Variants in NOL4 observed in about 807,000 individuals in gnomAD.
NOL4 encodes the protein nucleolar protein 4, also known as cancer/testis antigen 125.
Under a neutral mutation model 75.9 loss-of-function variants are expected in NOL4, and 17 were observed. The observed-to-expected ratio is 0.22, with a 90% CI of 0.15 to 0.34. NOL4 has a LOEUF of 0.34. NOL4 is among the 10% of genes least tolerant of loss of function. The pLI, the probability that NOL4 is intolerant of heterozygous loss-of-function variation, is 1.00. For synonymous variants in NOL4, 292 were observed against 289.9 expected, an observed-to-expected ratio of 1.01 and a Z score of -0.07; for missense variants, 614 against 793.5, an observed-to-expected ratio of 0.77 and a Z score of 2.72.
intron 5 of NOL4, among the ~76,000 whole-genome samples, chr18:34,066,653 T>C (rs2077287587): frequency 6.6e-6 from 1 of 151,708 alleles, no homozygotes; most frequent in Non-Finnish European, 1.5e-5. Context: ...ATTTATTATA[T>C]TTGAAAAGTT....
intron 6 of NOL4, among the ~76,000 whole-genome samples, chr18:33,960,952 A>T (rs918626130): frequency 6.6e-6 from 1 of 152,054 alleles, no homozygotes; most frequent in Non-Finnish European, 1.5e-5. Context: ...ATTTCCCCTG[A>T]GCCAATCTAA....
intron 5 of NOL4, among the ~76,000 whole-genome samples, chr18:34,050,442 T>C (rs1301900713): frequency 1.3e-5 from 2 of 152,108 alleles, no homozygotes; most frequent in Admixed American, 1.3e-4. Flanking sequence ...TAATAGATAA[T>C]GTTACTATCT....
chr18:34,071,770 T>C (rs2077529069), intron 5 of NOL4, among the ~76,000 whole-genome samples: 1 of 152,172 alleles, frequency 6.6e-6, no homozygotes, highest in Admixed American at 6.5e-5. Flanking sequence ...ATTAAATGCA[T>C]TTTTCACTTA....
intron 5 of NOL4, among the ~76,000 whole-genome samples, chr18:34,059,647 C>T (rs2076989350): frequency 6.6e-6 from 1 of 152,084 alleles, no homozygotes; most frequent in African/African-American, 2.4e-5. Flanking sequence ...AATAACCTCC[C>T]TAAATCTGGA....
At chr18:34,206,800 T>C (rs1278247241) in intron 1 of NOL4, among the ~76,000 whole-genome samples, 1 of 152,150 alleles carries the variant, frequency 6.6e-6, no homozygotes, top group Non-Finnish European at 1.5e-5. Context: ...TTCTATTTTT[T>C]TTATCTACCA....
chr18:33,905,108 T>C (rs1185478787), intron 9 of NOL4, among the ~76,000 whole-genome samples: 3 of 152,198 alleles, frequency 2.0e-5, no homozygotes, highest in Non-Finnish European at 4.4e-5. Context: ...GATAGGTCAT[T>C]GCAAGTTTCA....
At chr18:34,057,696 C>A (rs906625580) in intron 5 of NOL4, among the ~76,000 whole-genome samples, 5 of 152,096 alleles carry the variant, frequency 3.3e-5, no homozygotes, top group Non-Finnish European at 7.4e-5. Context: ...AGGAATATTT[C>A]CTGAAGGAAG....
intron 1 of NOL4, among the ~76,000 whole-genome samples, chr18:34,216,531 T>A (rs963769674): frequency 9.2e-5 from 14 of 151,618 alleles, no homozygotes; most frequent in Admixed American, 3.3e-4. Flanking sequence ...AACATTTAAA[T>A]AGGAAAATAA....
intron 8 of NOL4, among the ~76,000 whole-genome samples, chr18:33,949,117 T>C (rs1054333980): frequency 2.0e-5 from 3 of 152,242 alleles, no homozygotes; most frequent in Middle Eastern, 3.4e-3. Flanking sequence ...GGCCCCACTA[T>C]GGGTGTTATG....
intron 8 of NOL4, among the ~76,000 whole-genome samples, chr18:33,955,338 A>T (rs2069564993): frequency 6.6e-6 from 1 of 152,100 alleles, no homozygotes; most frequent in Non-Finnish European, 1.5e-5. Flanking sequence ...ACAAGGTCTG[A>T]TCCCTCTACT....
chr18:33,916,675 T>G (rs1020913295), intron 9 of NOL4, among the ~76,000 whole-genome samples: 1 of 152,232 alleles, frequency 6.6e-6, no homozygotes, highest in African/African-American at 2.4e-5. Context: ...ATGTACTATT[T>G]TCATATCTGT....
chr18:33,991,059 C>T (rs1370392435), intron 6 of NOL4, among the ~76,000 whole-genome samples: 3 of 151,974 alleles, frequency 2.0e-5, no homozygotes, highest in Non-Finnish European at 2.9e-5. Flanking sequence ...GGTCAAATTT[C>T]TCCCAATCTA....
At chr18:33,969,120 T>C (rs2070841685) in intron 6 of NOL4, among the ~76,000 whole-genome samples, 1 of 152,198 alleles carries the variant, frequency 6.6e-6, no homozygotes, top group Admixed American at 6.5e-5. Context: ...TGCGCAGTGA[T>C]TGATGCCTTC....
chr18:33,918,404 C>T (rs999703460), intron 9 of NOL4, among the ~76,000 whole-genome samples: 5 of 152,086 alleles, frequency 3.3e-5, no homozygotes, highest in Admixed American at 1.3e-4. Context: ...TATATTTATT[C>T]GTATGTTATT....
At chr18:34,222,284 T>C in intron 1 of NOL4, 1 of 1,332,992 alleles carries the variant, frequency 7.5e-7, no homozygotes, top group Non-Finnish European at 9.6e-7. Context: ...CCCATCTTTC[T>C]TTGTTGTTCA....
chr18:34,089,952 C>A (rs1031759771), intron 5 of NOL4, among the ~76,000 whole-genome samples: 5 of 151,876 alleles, frequency 3.3e-5, no homozygotes, highest in Non-Finnish European at 7.4e-5. Context: ...CACACACGCA[C>A]AAACACACAC....
At chr18:33,974,592 G>A (rs1027896277) in intron 6 of NOL4, among the ~76,000 whole-genome samples, 7 of 152,042 alleles carry the variant, frequency 4.6e-5, no homozygotes, top group Non-Finnish European at 1.0e-4. Flanking sequence ...TAACACTGAA[G>A]ATCACTGATC....
At chr18:34,084,280 G>A (rs934043048) in intron 5 of NOL4, among the ~76,000 whole-genome samples, 8 of 152,144 alleles carry the variant, frequency 5.3e-5, no homozygotes, top group Admixed American at 6.5e-5. Flanking sequence ...GACTAGGGCT[G>A]CTGATCCAAG....
intron 1 of NOL4, among the ~76,000 whole-genome samples, chr18:34,193,182 T>A (rs1052565739): frequency 2.6e-5 from 4 of 151,636 alleles, no homozygotes; most frequent in Non-Finnish European, 5.9e-5. Flanking sequence ...AAGGAAAAAA[T>A]TTTATGACAT....
Sources: gnomAD v4.1 joint callset for allele counts (sites outside exome capture counted in the v4.1 genomes callset) on GRCh38, gnomAD v4.1.1 for gene constraint, MANE v1.5 for transcripts, NCBI Gene and HGNC (gene_info 2026-07-23, HGNC 2026-07-21) for gene names.